TRMO: variants seen among roughly 807,000 people sequenced by gnomAD.
The protein encoded by TRMO is tRNA (adenine(37)-N6)-methyltransferase.
TRMO carries 30 observed loss-of-function variants against 37.2 expected under a neutral mutation model. That is an observed-to-expected ratio of 0.81 (90% CI 0.60 to 1.09). TRMO has a LOEUF of 1.09. Ranked by LOEUF, TRMO falls within the 50% of genes least tolerant of loss-of-function variation. The pLI is 0.00. For synonymous variants in TRMO, 239 were observed against 199.4 expected, an observed-to-expected ratio of 1.20 and a Z score of -1.67; for missense variants, 552 against 549.5, an observed-to-expected ratio of 1.00 and a Z score of -0.05.
chr9:97,904,512 A>T lies in TRMO; in HGVS notation c.*221T>A. The T allele has an allele frequency of 3.7e-6, 5 of 1,368,496 alleles. No individual in the cohort carries two copies. The highest frequency in any genetic ancestry group is 1.5e-5 in the African/African-American group (1 of 68,930). 84.8% of individuals were successfully genotyped at this position (1,368,496 alleles called of 1,614,324 possible). A position where few individuals can be genotyped will look rare whatever the true frequency, so the allele number is the denominator to read the frequency against. On this transcript the variant is annotated 3_prime_UTR_variant, in exon 5 of 5. Transcript: ENST00000375119. ...CATCACCTTTTGATTCTTTAATATCAACAGATCAAAAAGCATTTGGTGATT... is the reference window on the plus strand; with the variant it reads ...CATCACCTTTTGATTCTTTAATATCTACAGATCAAAAAGCATTTGGTGATT...
chr9:97,915,893 T>C (rs1173325932), intron 2 of TRMO: 2 of 263,192 alleles, frequency 7.6e-6, no homozygotes, highest in Admixed American at 5.4e-5. Context: ...AAAAAAGAAT[T>C]AGCCAGGCAT....
At chr9:97,900,508 A>G (rs190441395), downstream of TRMO, among the ~76,000 whole-genome samples, 3 of 152,356 alleles carry the variant, frequency 2.0e-5, no homozygotes, top group South Asian at 4.1e-4. Context: ...TCATTCTGCC[A>G]AAGACTCATG....
At chr9:97,898,267 G>C in the TRMO span, among the ~76,000 whole-genome samples, 1 of 152,194 alleles carries the variant, frequency 6.6e-6, no homozygotes, top group Non-Finnish European at 1.5e-5. Context: ...GGCAGAGAAG[G>C]AGCAGAAAGG....
chr9:97,915,478 T>C (rs1340337641), intron 2 of TRMO, among the ~76,000 whole-genome samples: 3 of 152,182 alleles, frequency 2.0e-5, no homozygotes, highest in Non-Finnish European at 2.9e-5. Flanking sequence ...AAATGGGCCA[T>C]AGTTTACTGA....
intron 1 of TRMO, among the ~76,000 whole-genome samples, chr9:97,920,738 C>T (rs1430884075): frequency 6.6e-6 from 1 of 152,212 alleles, no homozygotes; most frequent in African/African-American, 2.4e-5. Context: ...TCATTTCCAC[C>T]TGTACTATTA....
chr9:97,904,746 G>T lies in TRMO; in HGVS notation c.1313C>A (p.Ser438Tyr). Reference sequence around the variant, plus strand: ...GAGGGAGGCTCCTTAAGACCCTAGAGACACCAAGGACCCCACAGGGCCAGT... The same window carrying T: ...GAGGGAGGCTCCTTAAGACCCTAGATACACCAAGGACCCCACAGGGCCAGT... ...HMTGPVGSLV[S>Y]LGS Residue 438 changes from serine to tyrosine, a missense_variant, in exon 5 of 5, where the codon TCT (serine) becomes TAT (tyrosine). Ser to Tyr is a moderately radical substitution (Grantham distance 144). Coordinates refer to ENST00000375119, the MANE Select transcript of TRMO (RefSeq NM_016481.5). 1 of 1,611,818 alleles carries T rather than the reference G, an allele frequency of 6.2e-7. No individual in the cohort carries two copies.
chr9:97,916,968 T>C (rs1826399318), intron 1 of TRMO, among the ~76,000 whole-genome samples: 1 of 150,854 alleles, frequency 6.6e-6, no homozygotes, highest in South Asian at 2.1e-4. Context: ...CCTCCCAAAG[T>C]GCTGGGATTT....
At chr9:97,903,332 C>T (rs551323917), downstream of TRMO, among the ~76,000 whole-genome samples, 4 of 152,248 alleles carry the variant, frequency 2.6e-5, no homozygotes, top group South Asian at 8.3e-4. Flanking sequence ...TAAGTAACAT[C>T]AAAGGCAATT....
the TRMO span, among the ~76,000 whole-genome samples, chr9:97,898,966 A>C: frequency 1.3e-3 from 198 of 149,380 alleles, 2 homozygotes; most frequent in East Asian, 0.036. Context: ...CAGCCTCCCA[A>C]GTAGCTGGGA....
intron 4 of TRMO, among the ~76,000 whole-genome samples, chr9:97,906,738 A>G (rs535765778): frequency 2.2e-4 from 34 of 151,662 alleles, no homozygotes; most frequent in Admixed American, 1.2e-3. Flanking sequence ...GCTACTCAGG[A>G]GGCTGAGGGA....
chr9:97,917,444 T>C (rs1265992641), intron 1 of TRMO, among the ~76,000 whole-genome samples: 6 of 152,214 alleles, frequency 3.9e-5, no homozygotes, highest in Non-Finnish European at 5.9e-5. Context: ...TGCATTCTCA[T>C]TGTCTAGTAC....
the TRMO span, among the ~76,000 whole-genome samples, chr9:97,897,091 T>C: frequency 6.6e-6 from 1 of 152,260 alleles, no homozygotes; most frequent in South Asian, 2.1e-4. Context: ...ATTTTACATA[T>C]ATGAATGGGA....
downstream of TRMO, among the ~76,000 whole-genome samples, chr9:97,899,806 A>T (rs1831126812): frequency 6.6e-6 from 1 of 152,076 alleles, no homozygotes; most frequent in South Asian, 2.1e-4. Flanking sequence ...AGGTGAAAAG[A>T]TAGTTTGAGC....
the TRMO span, among the ~76,000 whole-genome samples, chr9:97,897,113 A>G: frequency 6.6e-6 from 1 of 152,246 alleles, no homozygotes; most frequent in African/African-American, 2.4e-5. Flanking sequence ...ATTATAATAC[A>G]TACTTGCCAT....
Position 97,910,496 on chromosome 9 carries a change from T to C in TRMO, c.530A>G (p.Asn177Ser), listed in dbSNP as rs1254205076. The C allele has an allele frequency of 6.2e-7, 1 of 1,614,208 alleles. No homozygotes were observed. Among genetic ancestry groups the C allele is most frequent in the Admixed American group, 1.7e-5 (1 of 60,024 alleles). Residue 177 changes from asparagine to serine, a missense_variant, in exon 4 of 5, where the codon AAT becomes AGT. Coordinates refer to ENST00000375119, the MANE Select transcript of TRMO (RefSeq NM_016481.5). ...QNVMEPLADF[N>S]LQNNQHTPNT... ...TGGTGTATGTTGGTTATTCTGTAAA[T>C]TAAAGTCTGCTAAAGGCTCCATCAC...
chr9:97,920,192 A>T (rs1430327520), intron 1 of TRMO, among the ~76,000 whole-genome samples: 1 of 152,198 alleles, frequency 6.6e-6, no homozygotes, highest in African/African-American at 2.4e-5. Context: ...TACAAATATG[A>T]ACCAGTTCTC....
chr9:97,899,232 G>A, the TRMO span, among the ~76,000 whole-genome samples: 1 of 151,496 alleles, frequency 6.6e-6, no homozygotes, highest in South Asian at 2.1e-4. Context: ...AAAAAAACCC[G>A]TGAGCTGGTG....
intron 4 of TRMO, among the ~76,000 whole-genome samples, chr9:97,908,143 T>C (rs1317145355): frequency 6.6e-6 from 1 of 152,072 alleles, no homozygotes; most frequent in Admixed American, 6.5e-5. Context: ...TTGGGCACGG[T>C]GGCTCACACC....
intron 4 of TRMO, among the ~76,000 whole-genome samples, chr9:97,905,607 A>G (rs1206095260): frequency 6.6e-6 from 1 of 152,172 alleles, no homozygotes; most frequent in Non-Finnish European, 1.5e-5. Flanking sequence ...TATGGTATGT[A>G]TAAAACATAA....
Sources: gnomAD v4.1 joint callset for allele counts (sites outside exome capture counted in the v4.1 genomes callset) on GRCh38, gnomAD v4.1.1 for gene constraint, MANE v1.5 for transcripts, NCBI Gene and HGNC (gene_info 2026-07-23, HGNC 2026-07-21) for gene names.